The following RPS4X variants were observed in gnomAD, a reference collection of about 807,000 sequenced individuals.
RPS4X encodes ribosomal protein S4 X-linked, also known as small ribosomal subunit protein eS4, X isoform.
For missense variants in RPS4X, 90 were observed against 219.1 expected, an observed-to-expected ratio of 0.41 and a Z score of 3.72; for synonymous variants, 76 against 76.8, an observed-to-expected ratio of 0.99 and a Z score of 0.06.
rs2043185170 is a variant in RPS4X at position 72,272,588 on chromosome X, C to A, written c.*83G>T. On this transcript the variant is annotated 3_prime_UTR_variant, in exon 7 of 7. Coordinates refer to ENST00000316084, the MANE Select transcript of RPS4X (RefSeq NM_001007.5). ...GAAACTGAATTAAAAAAAAAAACAA[C>A]CCACAAAACCAAAATGCTATTAATC... 1 of 623,352 alleles carries A rather than the reference C, an allele frequency of 1.6e-6. No individual in the cohort carries two copies. The highest frequency in any genetic ancestry group is 2.5e-6 in the Non-Finnish European group (1 of 398,601). 51.4% of individuals were successfully genotyped at this position (623,352 alleles called of 1,213,427 possible). A position where few individuals can be genotyped will look rare whatever the true frequency, so the allele number is the denominator to read the frequency against.
intron 3 of RPS4X, 75 bp from the exon 4 acceptor site, chrX:72,275,225 C>T: frequency 1.5e-6 from 1 of 682,173 alleles, no homozygotes; most frequent in East Asian, 3.4e-5. Context: ...CCATAGCTCT[C>T]TACGAAACAA....
chrX:72,273,298 A>T lies in RPS4X; in HGVS notation c.624T>A (p.Val208=). Residue 208 remains valine (V), a synonymous_variant, in exon 6 of 7, where the codon GTT becomes GTA. Coordinates refer to ENST00000316084, the MANE Select transcript of RPS4X (RefSeq NM_001007.5). ...TGTTGCCATTGGCATCTTTCACGTG[A>T]ACCACGTCAAAAGATCCAGGGTGCC... The part of the protein sequence containing the change: ...RERHPGSFDV[V]HVKDANGNSF... The T allele has an allele frequency of 8.3e-7, 1 of 1,210,547 alleles. No individual in the cohort carries two copies. Among genetic ancestry groups the T allele is most frequent in the Non-Finnish European group, 1.1e-6 (1 of 894,421 alleles).
At chrX:72,273,486 T>C in intron 5 of RPS4X, 97 bp from the exon 6 acceptor site, 2 of 877,680 alleles carry the variant, frequency 2.3e-6, no homozygotes, top group Non-Finnish European at 3.1e-6. Flanking sequence ...TTTCCCCCCA[T>C]TTGAATTTCC....
chrX:72,275,947 G>A (rs973409689), intron 2 of RPS4X, among the ~76,000 whole-genome samples: 1 of 111,564 alleles, frequency 9.0e-6, no homozygotes, highest in African/African-American at 3.3e-5. Flanking sequence ...CATGAATCCT[G>A]AGTCCATGTA....
Position 72,273,785 on chromosome X carries a change from C to T in RPS4X, c.532+16G>A. On this transcript the variant is annotated intron_variant, in intron 5 of 6. Coordinates refer to ENST00000316084, the MANE Select transcript of RPS4X (RefSeq NM_001007.5). ...GGCCTTAAAGAGGGTGCCCAGGTAGCACAGAGGATGCTTACCAGTGTCGAA... is the reference window on the plus strand; with the variant it reads ...GGCCTTAAAGAGGGTGCCCAGGTAGTACAGAGGATGCTTACCAGTGTCGAA... 1 of 1,199,493 alleles carries T rather than the reference C, an allele frequency of 8.3e-7. No individual in the cohort carries two copies. Among genetic ancestry groups the T allele is most frequent in the Middle Eastern group, 2.3e-4 (1 of 4,323 alleles).
Sources: gnomAD v4.1 joint callset for allele counts (sites outside exome capture counted in the v4.1 genomes callset) on GRCh38, gnomAD v4.1.1 for gene constraint, MANE v1.5 for transcripts, NCBI Gene and HGNC (gene_info 2026-07-23, HGNC 2026-07-21) for gene names.